Variants in TECPR2 observed in about 807,000 individuals in gnomAD.
The protein encoded by TECPR2 is tectonin beta-propeller repeat-containing protein 2.
In TECPR2, 65 loss-of-function variants were observed where a neutral mutation model predicts 138.1. The ratio of observed to expected loss-of-function variants is 0.47; its 90% confidence interval spans 0.39 to 0.58. The LOEUF (loss-of-function observed/expected upper bound fraction) is 0.58. Ranked by LOEUF, TECPR2 falls within the 20% of genes least tolerant of loss-of-function variation. The pLI is 0.00. For missense variants in TECPR2, 1,553 were observed against 1,824.5 expected (o/e 0.85, Z 2.71); for synonymous variants, 746 against 749.8 (o/e 0.99, Z 0.08).
intron 2 of TECPR2, among the ~76,000 whole-genome samples, chr14:102,392,982 G>T (rs1467233039): frequency 6.6e-6 from 1 of 152,116 alleles, no homozygotes; most frequent in Non-Finnish European, 1.5e-5. Flanking sequence ...AGCTCCATTT[G>T]CCAGCAAATC....
intron 17 of TECPR2, among the ~76,000 whole-genome samples, chr14:102,492,301 G>A (rs2047670571): frequency 6.6e-6 from 1 of 152,194 alleles, no homozygotes; most frequent in Non-Finnish European, 1.5e-5. Flanking sequence ...AAGCCACTAT[G>A]CCATGAGCTT....
chr14:102,414,621 G>C lies in TECPR2; in HGVS notation c.481-15G>C. The C allele has an allele frequency of 6.2e-7, 1 of 1,613,882 alleles. No homozygotes were observed. The highest frequency in any genetic ancestry group is 8.5e-7 in the Non-Finnish European group (1 of 1,179,914). On this transcript the variant is annotated splice_polypyrimidine_tract_variant and intron_variant, in intron 4 of 19. Coordinates refer to ENST00000359520, the MANE Select transcript of TECPR2 (RefSeq NM_014844.5). ...CTGGCGCTGATGTGAGGTGTAACCA[G>C]ACTTTCTCTGCCAGGGGCTCTGTAA...
rs543534657 is a variant in TECPR2, at chr14:102,415,010, G to A, written c.638+217G>A. 2.6e-5 allele frequency among the ~76,000 whole-genome samples: 4 copies of A among 152,292 alleles called. No individual in the cohort carries two copies. Among genetic ancestry groups the A allele is most frequent in the African/African-American group, 9.6e-5 (4 of 41,548 alleles). Reference sequence around the variant, plus strand: ...GTGTTCTTCTTGTCGCAGAGCTGTAGGAGCCTGCACACACAGCCACTCTGC... The same window carrying A: ...GTGTTCTTCTTGTCGCAGAGCTGTAAGAGCCTGCACACACAGCCACTCTGC... On this transcript the variant is annotated intron_variant, in intron 5 of 19. Coordinates refer to ENST00000359520, the MANE Select transcript of TECPR2 (RefSeq NM_014844.5). The surrounding 1 kb of genome is among the most constrained non-coding windows in gnomAD (Gnocchi z 4.3).
intron 16 of TECPR2, among the ~76,000 whole-genome samples, chr14:102,461,987 A>G (rs1193144503): frequency 1.3e-5 from 2 of 152,164 alleles, no homozygotes; most frequent in African/African-American, 4.8e-5. Flanking sequence ...CAACTTTGTC[A>G]TCTTTCACCT....
At chr14:102,377,220 A>G (rs906627996) in intron 2 of TECPR2, among the ~76,000 whole-genome samples, 3 of 152,188 alleles carry the variant, frequency 2.0e-5, no homozygotes, top group African/African-American at 4.8e-5. Flanking sequence ...CAGTGGGACA[A>G]TCATAGCTCA....
intron 7 of TECPR2, among the ~76,000 whole-genome samples, chr14:102,428,820 T>C (rs1308344305): frequency 6.6e-6 from 1 of 151,940 alleles, no homozygotes; most frequent in Non-Finnish European, 1.5e-5. Context: ...TTATTTGAAC[T>C]TGGAGGATTT....
chr14:102,409,939 G>A (rs1007181491), intron 4 of TECPR2, among the ~76,000 whole-genome samples: 1 of 152,046 alleles, frequency 6.6e-6, no homozygotes, highest in Admixed American at 6.6e-5. Flanking sequence ...CGAGTAGCTG[G>A]GACTACAGGC....
At chr14:102,496,499 C>T (rs972554664) in intron 17 of TECPR2, among the ~76,000 whole-genome samples, 7 of 152,226 alleles carry the variant, frequency 4.6e-5, no homozygotes, top group Admixed American at 3.3e-4. Flanking sequence ...GCCTGGTCAA[C>T]GCAGATGTTG....
At chr14:102,429,404 A>G (rs1317770942) in intron 7 of TECPR2, among the ~76,000 whole-genome samples, 2 of 152,186 alleles carry the variant, frequency 1.3e-5, no homozygotes, top group African/African-American at 2.4e-5. Flanking sequence ...GTCATCTGGG[A>G]CATACCGTTT....
intron 17 of TECPR2, among the ~76,000 whole-genome samples, chr14:102,466,048 G>A (rs377296705): frequency 3.3e-5 from 5 of 152,148 alleles, no homozygotes; most frequent in South Asian, 2.1e-4. Flanking sequence ...GGGATGGTTC[G>A]TTGTTGGGCA....
At chr14:102,429,532 C>T (rs1455821604) in intron 7 of TECPR2, among the ~76,000 whole-genome samples, 3 of 152,160 alleles carry the variant, frequency 2.0e-5, no homozygotes, top group Non-Finnish European at 2.9e-5. Context: ...TGTCCTCTTG[C>T]GGACATCCAC....
chr14:102,396,879 G>A (rs764078644), intron 2 of TECPR2, among the ~76,000 whole-genome samples: 16 of 152,164 alleles, frequency 1.1e-4, no homozygotes, highest in Non-Finnish European at 1.8e-4. Context: ...GCTTCTGATC[G>A]TAGAGGTGCA....
chr14:102,381,885 G>A (rs1887831635), intron 2 of TECPR2, among the ~76,000 whole-genome samples: 1 of 152,206 alleles, frequency 6.6e-6, no homozygotes, highest in East Asian at 1.9e-4. Context: ...TTTAACAGAT[G>A]TAGATGTAGT....
chr14:102,498,697 G>A lies in TECPR2; in HGVS notation c.*440G>A, dbSNP rs181457518. The A allele has an allele frequency of 1.5e-4, 63 of 418,258 alleles. No individual in the cohort carries two copies. The highest frequency in any genetic ancestry group is 4.6e-4 in the African/African-American group (23 of 49,708). The allele number at this position is 418,258 out of a possible 1,614,324, so 25.9% of individuals were successfully genotyped here. A position where few individuals can be genotyped will look rare whatever the true frequency, so the allele number is the denominator to read the frequency against. ...GAGCCAAAGGTCAGCTCTCTGCAGC[G>A]CGGGATGTGCTCGGTGATGGCTTTG... is the stretch of plus-strand genomic sequence containing the variant. On this transcript the variant is annotated 3_prime_UTR_variant, in exon 20 of 20. Coordinates refer to ENST00000359520, the MANE Select transcript of TECPR2 (RefSeq NM_014844.5).
At chr14:102,489,071 G>A (rs557935605) in intron 17 of TECPR2, among the ~76,000 whole-genome samples, 2 of 151,466 alleles carry the variant, frequency 1.3e-5, no homozygotes, top group South Asian at 4.2e-4. Flanking sequence ...TAGTACAGAT[G>A]GAGTTTCACC....
At chr14:102,395,175 C>G (rs1272691794) in intron 2 of TECPR2, among the ~76,000 whole-genome samples, 1 of 152,148 alleles carries the variant, frequency 6.6e-6, no homozygotes, top group African/African-American at 2.4e-5. Flanking sequence ...TCATTACCAC[C>G]TCAACTCACT....
At chr14:102,467,808 G>T (rs1321046636) in intron 17 of TECPR2, among the ~76,000 whole-genome samples, 1 of 151,416 alleles carries the variant, frequency 6.6e-6, no homozygotes, top group African/African-American at 2.4e-5. Context: ...GGTTATTTGT[G>T]TATCTTCTTT....
In TECPR2 at chr14:102,443,586, C is replaced by G; in HGVS notation, c.2753-61C>G. 1 of 1,368,148 alleles carries G rather than the reference C, an allele frequency of 7.3e-7. No individual in the cohort carries two copies. The highest frequency in any genetic ancestry group is 9.6e-7 in the Non-Finnish European group (1 of 1,045,092). 84.8% of individuals were successfully genotyped at this position (1,368,148 alleles called of 1,614,324 possible). On this transcript the variant is annotated intron_variant, in intron 11 of 19. Coordinates refer to ENST00000359520, the MANE Select transcript of TECPR2 (RefSeq NM_014844.5). The surrounding 1 kb of genome is among the most constrained non-coding windows in gnomAD (Gnocchi z 4.9). The stretch of plus-strand genomic sequence containing the variant: ...AGGAAAAATAAGCCAATAACCAAGT[C>G]AAAATGAGGTGTGGAGTTCTGACTG...
intron 1 of TECPR2, among the ~76,000 whole-genome samples, chr14:102,376,367 A>G (rs1193529411): frequency 6.6e-6 from 1 of 152,194 alleles, no homozygotes; most frequent in Non-Finnish European, 1.5e-5. Context: ...CTCCCTGTCT[A>G]GATCATAAGC....
Sources: allele counts gnomAD v4.1 joint callset (sites outside exome capture counted in the v4.1 genomes callset), GRCh38; gene constraint gnomAD v4.1.1; non-coding constraint Gnocchi (gnomAD v3.1); transcripts MANE v1.5; gene names NCBI Gene and HGNC (gene_info 2026-07-23, HGNC 2026-07-21).